Variants in AK5 observed in about 807,000 individuals in gnomAD.
The protein encoded by AK5 is adenylate kinase isoenzyme 5.
AK5 carries 27 observed loss-of-function variants against 69.5 expected under a neutral mutation model. The observed-to-expected ratio is 0.39, with a 90% CI of 0.29 to 0.54. AK5 has a LOEUF of 0.54. AK5 is among the 20% of genes least tolerant of loss of function. The pLI is 0.71. For missense variants in AK5, 531 were observed against 700.4 expected (o/e 0.76, Z 2.73); for synonymous variants, 260 against 244.4 (o/e 1.06, Z -0.60).
intron 5 of AK5, among the ~76,000 whole-genome samples, chr1:77,334,387 C>A (rs1331401273): frequency 6.6e-6 from 1 of 151,920 alleles, no homozygotes; most frequent in Non-Finnish European, 1.5e-5. Context: ...ATTTTTTGGT[C>A]TGTCTAGGTT....
chr1:77,540,326 G>A (rs1383534947), intron 13 of AK5, among the ~76,000 whole-genome samples: 1 of 152,194 alleles, frequency 6.6e-6, no homozygotes, highest in African/African-American at 2.4e-5. Context: ...CTCTCATAAA[G>A]CAGAGGTTTG....
At chr1:77,428,662 T>C (rs541101934) in intron 8 of AK5, among the ~76,000 whole-genome samples, 42 of 152,294 alleles carry the variant, frequency 2.8e-4, no homozygotes, top group African/African-American at 9.9e-4. Flanking sequence ...TGCAGGTTAG[T>C]TACGTATGTA....
At chr1:77,345,132 G>A (rs1557514290) in intron 6 of AK5, among the ~76,000 whole-genome samples, 1 of 152,032 alleles carries the variant, frequency 6.6e-6, no homozygotes, top group Non-Finnish European at 1.5e-5. Context: ...TGTGTGCATT[G>A]AAAAAATGCT....
chr1:77,329,108 A>G (rs1031921973), intron 5 of AK5, among the ~76,000 whole-genome samples: 1 of 152,044 alleles, frequency 6.6e-6, no homozygotes, highest in African/African-American at 2.4e-5. Context: ...GACATACTCA[A>G]ACAATAACAG....
chr1:77,312,825 C>G (rs1048127702), intron 5 of AK5, among the ~76,000 whole-genome samples: 4 of 152,030 alleles, frequency 2.6e-5, no homozygotes, highest in Non-Finnish European at 5.9e-5. Flanking sequence ...AGGGGTTGAT[C>G]CCACAGTGCT....
At chr1:77,397,884 G>A (rs187002421) in intron 6 of AK5, among the ~76,000 whole-genome samples, 3 of 152,204 alleles carry the variant, frequency 2.0e-5, no homozygotes, top group Admixed American at 6.5e-5. Context: ...TCTAGGCAAC[G>A]GAACAAGACG....
In AK5 at chr1:77,406,431, A is replaced by G. The variant is rs114991315; in HGVS notation, c.892-4550A>G. On this transcript the variant is annotated intron_variant, in intron 6 of 13. Coordinates refer to ENST00000354567, the MANE Select transcript of AK5 (RefSeq NM_174858.3). The stretch of plus-strand genomic sequence containing the variant: ...GTGGCTAGAGTTGCAGGACAAAAGT[A>G]TCAGAGATGAGAGAGATACACAGTT... 3.6e-3 allele frequency among the ~76,000 whole-genome samples: 543 copies of G among 152,226 alleles called. 4 individuals carry two copies. Among genetic ancestry groups the G allele is most frequent in the African/African-American group, 0.012 (515 of 41,530 alleles).
chr1:77,402,806 T>C (rs1446268127), intron 6 of AK5, among the ~76,000 whole-genome samples: 9 of 152,216 alleles, frequency 5.9e-5, no homozygotes, highest in Non-Finnish European at 1.2e-4. Flanking sequence ...TTTGTGTATA[T>C]ACCCAGTAAT....
chr1:77,291,462 T>C (rs1553127699), intron 2 of AK5, among the ~76,000 whole-genome samples: 1 of 152,050 alleles, frequency 6.6e-6, no homozygotes, highest in Non-Finnish European at 1.5e-5. Context: ...CTAAAACCTA[T>C]ATTTCATTTC....
At chr1:77,433,463 G>A (rs571472348) in intron 8 of AK5, among the ~76,000 whole-genome samples, 1 of 152,278 alleles carries the variant, frequency 6.6e-6, no homozygotes, top group Admixed American at 6.5e-5. Flanking sequence ...GACTTTATCT[G>A]TAGTACCTAT....
intron 13 of AK5, 62 bp downstream of exon 13, chr1:77,536,100 A>G (rs1658952286): frequency 6.7e-7 from 1 of 1,489,510 alleles, no homozygotes; most frequent in Non-Finnish European, 9.0e-7. Context: ...TTTTCCAAGA[A>G]AAGAGAAAAA....
chr1:77,393,651 C>G (rs1648634457), intron 6 of AK5, among the ~76,000 whole-genome samples: 1 of 152,132 alleles, frequency 6.6e-6, no homozygotes. Context: ...CTTAGATTTA[C>G]TACATGCAAA....
chr1:77,556,853 G>A (rs1004629603), intron 13 of AK5, among the ~76,000 whole-genome samples: 1 of 152,186 alleles, frequency 6.6e-6, no homozygotes, highest in East Asian at 1.9e-4. Context: ...TAAATATACA[G>A]ATTAAAGACC....
chr1:77,484,329 TTATAA>T (rs201269096), intron 9 of AK5, among the ~76,000 whole-genome samples: 234 of 152,314 alleles, frequency 1.5e-3, no homozygotes, highest in Admixed American at 0.012. Context: ...GTAATAAAAG[TTATAA>T]TATAAGTCAT....
At chr1:77,488,477 C>A (rs186482155) in intron 10 of AK5, among the ~76,000 whole-genome samples, 1 of 152,104 alleles carries the variant, frequency 6.6e-6, no homozygotes, top group Admixed American at 6.5e-5. Context: ...AACTTGACAG[C>A]TAGGAATTCA....
chr1:77,546,867 C>T (rs1317058974), intron 13 of AK5, among the ~76,000 whole-genome samples: 1 of 152,140 alleles, frequency 6.6e-6, no homozygotes, highest in Non-Finnish European at 1.5e-5. Context: ...GAAAAGAGGA[C>T]ATTTGAGCTG....
At chr1:77,286,890 A>T (rs1048375460) in intron 1 of AK5, 51 bp from the exon 2 acceptor site, 2 of 1,171,784 alleles carry the variant, frequency 1.7e-6, no homozygotes, top group Admixed American at 3.1e-5. Context: ...AAGAAAAAAC[A>T]AAGGTGGGTT....
intron 6 of AK5, among the ~76,000 whole-genome samples, chr1:77,360,909 T>C (rs1164516527): frequency 1.3e-5 from 2 of 152,180 alleles, no homozygotes; most frequent in African/African-American, 2.4e-5. Flanking sequence ...GGGGAAAACT[T>C]GCTCATAGGA....
intron 8 of AK5, among the ~76,000 whole-genome samples, chr1:77,479,045 C>G (rs1316222787): frequency 6.6e-6 from 1 of 151,858 alleles, no homozygotes; most frequent in African/African-American, 2.4e-5. Context: ...CAAAGCAAGT[C>G]TCTAATCCAA....
Sources: gnomAD v4.1 joint callset for allele counts (sites outside exome capture counted in the v4.1 genomes callset) on GRCh38, gnomAD v4.1.1 for gene constraint, MANE v1.5 for transcripts, NCBI Gene and HGNC (gene_info 2026-07-23, HGNC 2026-07-21) for gene names.